The following KCNIP4 variants were observed in gnomAD, a reference collection of about 807,000 sequenced individuals.
KCNIP4 encodes Kv channel-interacting protein 4.
In KCNIP4, 12 loss-of-function variants were observed where a neutral mutation model predicts 34.0. The observed-to-expected ratio is 0.35, with a 90% CI of 0.23 to 0.57. The LOEUF is 0.57. KCNIP4 is among the 20% of genes least tolerant of loss of function. The pLI is 0.83. For missense variants in KCNIP4, 238 were observed against 311.7 expected (o/e 0.76, Z 1.78); for synonymous variants, 124 against 102.2 (o/e 1.21, Z -1.29).
chr4:20,828,199 CG>C (rs1718000891), intron 3 of KCNIP4, among the ~76,000 whole-genome samples: 1 of 152,098 alleles, frequency 6.6e-6, no homozygotes, highest in African/African-American at 2.4e-5. Context: ...GAGGCCGAGG[CG>C]GGTGGATCCC....
At chr4:21,593,398 G>A (rs1742378150) in intron 1 of KCNIP4, among the ~76,000 whole-genome samples, 1 of 152,098 alleles carries the variant, frequency 6.6e-6, no homozygotes, top group South Asian at 2.1e-4. Context: ...TGTGGTCGGA[G>A]TGCTCTGCTC....
intron 1 of KCNIP4, among the ~76,000 whole-genome samples, chr4:20,937,382 C>T (rs1049616070): frequency 1.3e-5 from 2 of 151,404 alleles, no homozygotes; most frequent in African/African-American, 4.8e-5. Context: ...CTATAGGCGC[C>T]CGTCACCATG....
rs1425406872 is a variant in KCNIP4, at chr4:21,322,061, GA to G, written c.62-439353del. Among the ~76,000 whole-genome samples, 34 of 142,960 alleles carry G rather than the reference GA, an allele frequency of 2.4e-4. No homozygotes were observed. The South Asian group carries it at 7.0e-3, about 29-fold the overall frequency. 93.8% of individuals were successfully genotyped at this position (142,960 alleles called of 152,430 possible). A position where few individuals can be genotyped will look rare whatever the true frequency, so the allele number is the denominator to read the frequency against. On this transcript the variant is annotated intron_variant, in intron 1 of 8. Transcript: ENST00000382152. ...GGGAGGAAGGAAGGAAGAAAGGAAG[GA>G]AAGGAGGGAGGGAGGAAGAAAAGGA...
chr4:21,828,448 TATA>T (rs1241796089), intron 1 of KCNIP4, among the ~76,000 whole-genome samples: 1 of 151,794 alleles, frequency 6.6e-6, no homozygotes, highest in Non-Finnish European at 1.5e-5. Context: ...TACTCGAAGA[TATA>T]ATAACAAGAC....
chr4:20,797,591 A>T (rs1366569817), intron 3 of KCNIP4, among the ~76,000 whole-genome samples: 1 of 152,228 alleles, frequency 6.6e-6, no homozygotes, highest in Non-Finnish European at 1.5e-5. Flanking sequence ...TAATCACATG[A>T]GACCTTTAAA....
intron 2 of KCNIP4, among the ~76,000 whole-genome samples, chr4:20,867,369 C>G (rs1722978646): frequency 6.6e-6 from 1 of 152,048 alleles, no homozygotes; most frequent in Middle Eastern, 3.4e-3. Flanking sequence ...GAAATAAAGT[C>G]ACACGCCTAC....
chr4:21,451,826 T>C (rs149218409), intron 1 of KCNIP4, among the ~76,000 whole-genome samples: 207 of 152,202 alleles, frequency 1.4e-3, no homozygotes, highest in African/African-American at 4.8e-3. Context: ...ACATACCAAA[T>C]AGGCTTCAAG....
intron 1 of KCNIP4, among the ~76,000 whole-genome samples, chr4:21,885,192 CAG>C (rs965294906): frequency 2.0e-5 from 3 of 152,066 alleles, no homozygotes; most frequent in African/African-American, 7.2e-5. Flanking sequence ...GAAAAGGAAA[CAG>C]AGGCTGAGGA....
intron 1 of KCNIP4, among the ~76,000 whole-genome samples, chr4:21,889,026 A>G (rs1475948976): frequency 6.6e-6 from 1 of 152,132 alleles, no homozygotes; most frequent in East Asian, 1.9e-4. Context: ...CTACTTTTTC[A>G]CTATATTAAT....
chr4:21,946,786 G>A (rs1411576534), intron 1 of KCNIP4, among the ~76,000 whole-genome samples: 3 of 152,164 alleles, frequency 2.0e-5, no homozygotes, highest in African/African-American at 7.2e-5. Context: ...CTTAGCCAAG[G>A]TATAAAACAA....
At chr4:21,153,513 G>GTATATA (rs1364976340) in intron 1 of KCNIP4, among the ~76,000 whole-genome samples, 1 of 61,492 alleles carries the variant, frequency 1.6e-5, no homozygotes, top group Admixed American at 1.9e-4. Context: ...ATATGTGTGT[G>GTATATA]TGTATATATA....
intron 1 of KCNIP4, among the ~76,000 whole-genome samples, chr4:21,257,888 C>T (rs773135464): frequency 1.4e-4 from 21 of 152,102 alleles, no homozygotes; most frequent in Non-Finnish European, 2.5e-4. Context: ...CCAGACATAG[C>T]CATAAGAAAG....
At chr4:21,669,272 G>A (rs56389740) in intron 1 of KCNIP4, among the ~76,000 whole-genome samples, 4,188 of 152,044 alleles carry the variant, frequency 0.028, 203 homozygotes, top group African/African-American at 0.096. Context: ...CCACAGGTGC[G>A]TGCCAACGTA....
At chr4:20,852,093 A>C (rs1721096338) in intron 2 of KCNIP4, among the ~76,000 whole-genome samples, 1 of 152,154 alleles carries the variant, frequency 6.6e-6, no homozygotes, top group African/African-American at 2.4e-5. Flanking sequence ...AGATATAAGG[A>C]GATAGAGAAA....
At chr4:20,922,567 A>G (rs909739008) in intron 1 of KCNIP4, among the ~76,000 whole-genome samples, 8 of 137,090 alleles carry the variant, frequency 5.8e-5, no homozygotes, top group African/African-American at 1.6e-4. Context: ...CTATCTATCT[A>G]TCTATCTATC....
chr4:21,485,360 C>A (rs1479895207), intron 1 of KCNIP4, among the ~76,000 whole-genome samples: 1 of 152,170 alleles, frequency 6.6e-6, no homozygotes, highest in Admixed American at 6.6e-5. Context: ...TCTCTAAAAC[C>A]TGGCTCTTGT....
intron 1 of KCNIP4, among the ~76,000 whole-genome samples, chr4:21,728,748 T>C (rs1053803016): frequency 6.6e-6 from 1 of 152,020 alleles, no homozygotes; most frequent in Non-Finnish European, 1.5e-5. Flanking sequence ...TCCTCAGGAG[T>C]TTGCCTTTGA....
chr4:21,754,707 A>G (rs1717387777), intron 1 of KCNIP4, among the ~76,000 whole-genome samples: 1 of 152,194 alleles, frequency 6.6e-6, no homozygotes, highest in Admixed American at 6.5e-5. Context: ...CTAAACTGTC[A>G]ACTCTAGGAT....
At chr4:21,475,132 AT>A (rs1464614561) in intron 1 of KCNIP4, among the ~76,000 whole-genome samples, 18 of 152,088 alleles carry the variant, frequency 1.2e-4, no homozygotes, top group African/African-American at 4.3e-4. Flanking sequence ...CTCCTAACAT[AT>A]TTTTATTAGG....
Sources: gnomAD v4.1 joint callset for allele counts (sites outside exome capture counted in the v4.1 genomes callset) on GRCh38, gnomAD v4.1.1 for gene constraint, MANE v1.5 for transcripts, NCBI Gene and HGNC (gene_info 2026-07-23, HGNC 2026-07-21) for gene names.